VPS13B: variants seen among roughly 807,000 people sequenced by gnomAD.
VPS13B encodes intermembrane lipid transfer protein VPS13B.
VPS13B carries 285 observed loss-of-function variants against 426.4 expected under a neutral mutation model. That is an observed-to-expected ratio of 0.67 (90% CI 0.61 to 0.74). The LOEUF (loss-of-function observed/expected upper bound fraction) is 0.74. Ranked by LOEUF, VPS13B falls within the 30% of genes least tolerant of loss-of-function variation. The probability of loss-of-function intolerance (pLI) is 0.00; values close to 1 mark genes in which losing one functional copy is unlikely to be tolerated. For synonymous variants in VPS13B, 1,676 were observed against 1,676.4 expected, an observed-to-expected ratio of 1.00 and a Z score of 0.01; for missense variants, 4,537 against 4,782.6, an observed-to-expected ratio of 0.95 and a Z score of 1.51.
At chr8:99,569,040 T>C (rs1825338012) in intron 31 of VPS13B, among the ~76,000 whole-genome samples, 1 of 151,872 alleles carries the variant, frequency 6.6e-6, no homozygotes, top group Admixed American at 6.6e-5. Context: ...GCCAGGATGG[T>C]CTCGATCTCC....
At chr8:99,189,210 G>C (rs934333784) in intron 16 of VPS13B, among the ~76,000 whole-genome samples, 5 of 151,954 alleles carry the variant, frequency 3.3e-5, no homozygotes, top group African/African-American at 1.2e-4. Context: ...CGGCCTCCCA[G>C]AGTGCTGGGA....
chr8:99,367,397 G>T (rs985973302), intron 19 of VPS13B, among the ~76,000 whole-genome samples: 2 of 152,024 alleles, frequency 1.3e-5, no homozygotes, highest in African/African-American at 4.8e-5. Flanking sequence ...AAGTTTATTT[G>T]TTTCTTTTCT....
intron 19 of VPS13B, among the ~76,000 whole-genome samples, chr8:99,309,185 G>A (rs573002003): frequency 5.5e-4 from 83 of 152,080 alleles, no homozygotes; most frequent in African/African-American, 1.6e-3. Flanking sequence ...CTTTAGTTTA[G>A]TTAGATCCCA....
At position 99,457,545 on chromosome 8, in the gene VPS13B, T is replaced by G. The variant is rs2133478934; in HGVS notation, c.3446-9869T>G. ...GTTTGATAATCTGTTAGAAATAATT[T>G]TTAATTTCGTTGATTTTTTTCTATC... On this transcript the variant is annotated intron_variant, in intron 23 of 61. Coordinates refer to ENST00000357162, the MANE Select transcript of VPS13B (RefSeq NM_152564.5). 2.6e-5 allele frequency among the ~76,000 whole-genome samples: 4 copies of G among 152,284 alleles called. 1 individual carries two copies. In the South Asian group the frequency reaches 8.3e-4, roughly 32 times the overall value.
intron 17 of VPS13B, among the ~76,000 whole-genome samples, chr8:99,217,150 C>G (rs977105213): frequency 1.3e-5 from 2 of 152,084 alleles, no homozygotes; most frequent in Non-Finnish European, 2.9e-5. Flanking sequence ...TGTAACAGAT[C>G]ATGTTCATGT....
chr8:99,569,240 C>A (rs183898278), intron 31 of VPS13B, among the ~76,000 whole-genome samples: 2 of 151,998 alleles, frequency 1.3e-5, no homozygotes, highest in African/African-American at 4.8e-5. Context: ...CCAGCCTGGG[C>A]AGCATGGCGA....
intron 21 of VPS13B, among the ~76,000 whole-genome samples, chr8:99,403,530 C>G (rs1443568180): frequency 1.4e-5 from 2 of 138,924 alleles, no homozygotes; most frequent in Non-Finnish European, 3.0e-5. Flanking sequence ...ACCTGGGTGA[C>G]AGAGCAAGAC....
chr8:99,618,617 A>G (rs1390829972), intron 33 of VPS13B, among the ~76,000 whole-genome samples: 2 of 152,214 alleles, frequency 1.3e-5, no homozygotes, highest in African/African-American at 4.8e-5. Flanking sequence ...TCTGTCCGTG[A>G]GCAACCTCAG....
chr8:99,759,907 A>G (rs1034976277), intron 39 of VPS13B, among the ~76,000 whole-genome samples: 1 of 149,658 alleles, frequency 6.7e-6, no homozygotes, highest in Admixed American at 6.6e-5. Context: ...TCTAGCTTAG[A>G]CCTCCTAATT....
In VPS13B at chr8:99,776,774, G is replaced by A. The variant is rs763079458; in HGVS notation, c.7248-1G>A. On this transcript the variant is annotated splice_acceptor_variant, in intron 40 of 61. Coordinates refer to ENST00000357162, the MANE Select transcript of VPS13B (RefSeq NM_152564.5). LOFTEE classifies it high-confidence loss of function. ...CTTCTTTTATCACTTCTTTCCCATAGCTCTGCAAGTGAGTCTGGTTCTCAA... is the reference window on the plus strand; with the variant it reads ...CTTCTTTTATCACTTCTTTCCCATAACTCTGCAAGTGAGTCTGGTTCTCAA... 14 of 1,613,966 alleles carry A rather than the reference G, an allele frequency of 8.7e-6. No homozygotes were observed. The highest frequency in any genetic ancestry group is 1.1e-5 in the Non-Finnish European group (13 of 1,179,942).
rs1200902916 is a variant in VPS13B, at chr8:99,809,549, A to G, written c.8097+19A>G. On this transcript the variant is annotated intron_variant, in intron 44 of 61. Coordinates refer to ENST00000357162, the MANE Select transcript of VPS13B (RefSeq NM_152564.5). ...AAAACAGGTAAGTTTCTTTGTGTTC[A>G]TGACCCAGACACCTCTTAATTATTC... 1.0e-4 allele frequency: 162 copies of G among 1,613,780 alleles called. No homozygotes were observed. The highest frequency in any genetic ancestry group is 1.3e-4 in the Non-Finnish European group (153 of 1,179,866).
At chr8:99,840,287 T>C (rs549500806) in intron 54 of VPS13B, among the ~76,000 whole-genome samples, 1 of 152,274 alleles carries the variant, frequency 6.6e-6, no homozygotes, top group African/African-American at 2.4e-5. Context: ...CTTTATCATA[T>C]GACTTGCTAT....
intron 21 of VPS13B, among the ~76,000 whole-genome samples, chr8:99,406,978 G>A (rs138654197): frequency 6.6e-6 from 1 of 152,142 alleles, no homozygotes. Flanking sequence ...GTCTTTAGTG[G>A]AAACAGTGGA....
At chr8:99,663,302 A>G (rs1048477955) in intron 35 of VPS13B, among the ~76,000 whole-genome samples, 2 of 152,178 alleles carry the variant, frequency 1.3e-5, no homozygotes, top group Non-Finnish European at 2.9e-5. Flanking sequence ...CTTCTTCAGC[A>G]TGTTTTTCTA....
chr8:99,016,591 T>C (rs1841631340), intron 2 of VPS13B, among the ~76,000 whole-genome samples: 1 of 138,842 alleles, frequency 7.2e-6, no homozygotes, highest in Non-Finnish European at 1.6e-5. Flanking sequence ...GAATTCTTTT[T>C]TTTTTTTTTT....
At chr8:99,788,320 C>G (rs1467508440) in intron 43 of VPS13B, among the ~76,000 whole-genome samples, 1 of 143,664 alleles carries the variant, frequency 7.0e-6, no homozygotes, top group Non-Finnish European at 1.5e-5. Context: ...GAGGCTGAGG[C>G]AGGAGGATTA....
At chr8:99,382,403 A>G (rs928505248) in intron 19 of VPS13B, among the ~76,000 whole-genome samples, 2 of 152,156 alleles carry the variant, frequency 1.3e-5, no homozygotes, top group African/African-American at 4.8e-5. Flanking sequence ...TTGAATCTGT[A>G]AATTGCTTTG....
chr8:99,537,574 A>G (rs1039706699), intron 30 of VPS13B, among the ~76,000 whole-genome samples: 3 of 152,246 alleles, frequency 2.0e-5, no homozygotes, highest in African/African-American at 7.2e-5. Flanking sequence ...GTATTGCAAC[A>G]GTGCTAAACA....
chr8:99,260,458 G>T (rs950323818), intron 17 of VPS13B, among the ~76,000 whole-genome samples: 1 of 151,900 alleles, frequency 6.6e-6, no homozygotes, highest in Non-Finnish European at 1.5e-5. Flanking sequence ...GCAACCAGAG[G>T]GAAAATAAAT....
Sources: gnomAD v4.1 joint callset for allele counts (sites outside exome capture counted in the v4.1 genomes callset) on GRCh38, gnomAD v4.1.1 for gene constraint, MANE v1.5 for transcripts, NCBI Gene and HGNC (gene_info 2026-07-23, HGNC 2026-07-21) for gene names.